NAALADL2: variants seen among roughly 807,000 people sequenced by gnomAD.
The protein encoded by NAALADL2 is inactive N-acetylated-alpha-linked acidic dipeptidase-like protein 2.
Under a neutral mutation model 87.2 loss-of-function variants are expected in NAALADL2, and 76 were observed. That is an observed-to-expected ratio of 0.87 (90% confidence interval 0.72 to 1.05). NAALADL2 has a LOEUF of 1.05. NAALADL2 is among the 50% of genes least tolerant of loss of function. NAALADL2 has a pLI of 0.00. For synonymous variants in NAALADL2, 354 were observed against 331.0 expected (o/e 1.07, Z -0.75); for missense variants, 1,089 against 945.8 (o/e 1.15, Z -1.99).
Position 175,467,146 on chromosome 3 carries a change from A to G in NAALADL2, c.1495A>G (p.Thr499Ala). Residue 499 changes from threonine to alanine, a missense_variant, in exon 8 of 14, where the codon ACA becomes GCA. Physicochemically the swap from Thr to Ala is moderately conservative, Grantham distance 58. Transcript: ENST00000454872. ...RTIVFCSWGG[T>A]AFGNIGSYEW... Reference sequence around the variant, plus strand: ...TATTGTTTTCTGTTCTTGGGGAGGAACAGCTTTTGGCAATATTGGCTCATA... The same window carrying G: ...TATTGTTTTCTGTTCTTGGGGAGGAGCAGCTTTTGGCAATATTGGCTCATA... The G allele has an allele frequency of 6.2e-7, 1 of 1,613,898 alleles. No individual in the cohort carries two copies. Among genetic ancestry groups the G allele is most frequent in the Non-Finnish European group, 8.5e-7 (1 of 1,179,826 alleles).
intron 9 of NAALADL2, among the ~76,000 whole-genome samples, chr3:175,558,278 G>A (rs896754129): frequency 6.6e-6 from 1 of 150,662 alleles, no homozygotes; most frequent in Non-Finnish European, 1.5e-5. Context: ...CAGGTTATTA[G>A]ATTTTTTTTC....
chr3:174,743,187 T>C (rs1733923339), intron 3 of NAALADL2, among the ~76,000 whole-genome samples: 2 of 151,650 alleles, frequency 1.3e-5, no homozygotes, highest in Non-Finnish European at 3.0e-5. Context: ...GGAATTAGAG[T>C]CCCGATCTGT....
chr3:175,497,369 A>C (rs1230145500), intron 9 of NAALADL2, among the ~76,000 whole-genome samples: 1 of 152,244 alleles, frequency 6.6e-6, no homozygotes, highest in Non-Finnish European at 1.5e-5. Context: ...CATCCTTAAG[A>C]AGTTCAGACA....
intron 5 of NAALADL2, among the ~76,000 whole-genome samples, chr3:175,398,036 CA>C (rs913349031): frequency 6.6e-6 from 1 of 151,658 alleles, no homozygotes; most frequent in South Asian, 2.1e-4. Flanking sequence ...CCAAAACAAA[CA>C]AAAAAAACTA....
intron 1 of NAALADL2, among the ~76,000 whole-genome samples, chr3:175,062,915 T>C (rs1006325297): frequency 7.9e-5 from 12 of 152,128 alleles, no homozygotes; most frequent in African/African-American, 2.7e-4. Context: ...CCCCTTCCTA[T>C]TTCACTTATA....
intron 3 of NAALADL2, among the ~76,000 whole-genome samples, chr3:174,830,432 G>T (rs1722538168): frequency 1.3e-5 from 2 of 152,106 alleles, no homozygotes; most frequent in Non-Finnish European, 1.5e-5. Context: ...TAGATATGCG[G>T]TGTTATTTCT....
At chr3:174,747,193 A>C (rs1358401798) in intron 3 of NAALADL2, among the ~76,000 whole-genome samples, 2 of 152,198 alleles carry the variant, frequency 1.3e-5, no homozygotes, top group East Asian at 3.9e-4. Context: ...ACAAAGGCCT[A>C]ATATCCAGAA....
intron 1 of NAALADL2, among the ~76,000 whole-genome samples, chr3:174,859,745 T>A (rs1230300013): frequency 6.6e-6 from 1 of 152,136 alleles, no homozygotes; most frequent in African/African-American, 2.4e-5. Context: ...CAGTATAATG[T>A]TGGAGAAATG....
rs996238857 is a variant in NAALADL2, at chr3:175,772,111, A to C, written c.2189+16693A>C. Among the ~76,000 whole-genome samples the C allele has an allele frequency of 3.3e-5, 5 of 152,300 alleles. 1 individual carries two copies. The highest frequency in any genetic ancestry group is 1.3e-4 in the Admixed American group (2 of 15,296). ...CAACATCTGCAAAGACGCTTTTTGC[A>C]AATAAGGTAGCATTTACAGGTCCTA... is the stretch of plus-strand genomic sequence containing the variant. On this transcript the variant is annotated intron_variant, in intron 13 of 13. Transcript: ENST00000454872.
At chr3:174,934,956 T>C (rs1737463219) in intron 1 of NAALADL2, among the ~76,000 whole-genome samples, 1 of 151,684 alleles carries the variant, frequency 6.6e-6, no homozygotes, top group Non-Finnish European at 1.5e-5. Flanking sequence ...ATCTATGCAT[T>C]TTGTAAAAAT....
At chr3:174,606,961 G>A (rs34924486) in intron 2 of NAALADL2, among the ~76,000 whole-genome samples, 51,329 of 152,040 alleles carry the variant, frequency 0.34, 10,003 homozygotes, top group Middle Eastern at 0.46. Flanking sequence ...GACTAACAGC[G>A]GATCTCTCGG....
At chr3:175,270,729 A>T (rs919660093) in intron 4 of NAALADL2, among the ~76,000 whole-genome samples, 1 of 152,164 alleles carries the variant, frequency 6.6e-6, no homozygotes, top group Middle Eastern at 3.2e-3. Flanking sequence ...AGGTTGACAG[A>T]TATGTGGAAT....
At chr3:174,906,043 C>A (rs763537281) in intron 1 of NAALADL2, among the ~76,000 whole-genome samples, 2 of 152,020 alleles carry the variant, frequency 1.3e-5, no homozygotes, top group Non-Finnish European at 2.9e-5. Context: ...TCAGCATTAA[C>A]CTCATTCACA....
Position 175,549,156 on chromosome 3 carries a change from C to T in NAALADL2, c.1654-26885C>T, listed in dbSNP as rs533752508. Among the ~76,000 whole-genome samples, 5 of 1,504 alleles carry T rather than the reference C, an allele frequency of 3.3e-3. No homozygotes were observed. The East Asian group carries it at 0.1, about 30-fold the overall frequency. The allele number at this position is 1,504 out of a possible 152,430, so 1.0% of individuals were successfully genotyped here. ...TGAGATTATCACTTATTTTCCCTTGCATTGTTTTATTCTTTCATTGTGTAG... is the reference window on the plus strand; with the variant it reads ...TGAGATTATCACTTATTTTCCCTTGTATTGTTTTATTCTTTCATTGTGTAG... On this transcript the variant is annotated intron_variant, in intron 9 of 13. Transcript: ENST00000454872.
intron 1 of NAALADL2, among the ~76,000 whole-genome samples, chr3:174,444,371 A>G (rs774765121): frequency 2.0e-5 from 3 of 152,154 alleles, no homozygotes; most frequent in Non-Finnish European, 4.4e-5. Context: ...AGAAATTTGT[A>G]GGAATCATTA....
chr3:174,604,655 T>A (rs1718806674), intron 2 of NAALADL2, among the ~76,000 whole-genome samples: 1 of 152,084 alleles, frequency 6.6e-6, no homozygotes, highest in Non-Finnish European at 1.5e-5. Flanking sequence ...TGGTGTTCTC[T>A]TCTTTCCTTT....
At chr3:175,731,853 A>G (rs963565445) in intron 11 of NAALADL2, among the ~76,000 whole-genome samples, 8 of 152,040 alleles carry the variant, frequency 5.3e-5, no homozygotes, top group African/African-American at 1.7e-4. Context: ...TTTCTTTTTT[A>G]ATCTTTTGTA....
rs7648864 is a variant in NAALADL2 at position 175,453,181 on chromosome 3, C to T, written c.1234+5809C>T. ...CATATCATTTTTCAAATACCTGTCA[C>T]TTTTTACAAATTATAGAAATTCCAA... On this transcript the variant is annotated intron_variant, in intron 6 of 13. Coordinates refer to ENST00000454872, the MANE Select transcript of NAALADL2 (RefSeq NM_207015.3). Among the ~76,000 whole-genome samples the T allele has an allele frequency of 2.9e-4, 44 of 152,244 alleles. 4 individuals are homozygous for T. The highest frequency in any genetic ancestry group is 1.5e-3 in the Admixed American group (23 of 15,272).
chr3:175,626,092 C>A (rs1314223674), intron 10 of NAALADL2, among the ~76,000 whole-genome samples: 1 of 151,804 alleles, frequency 6.6e-6, no homozygotes. Flanking sequence ...TACACATGAC[C>A]CTGGAATATT....
Sources: gnomAD v4.1 joint callset for allele counts (sites outside exome capture counted in the v4.1 genomes callset) on GRCh38, gnomAD v4.1.1 for gene constraint, MANE v1.5 for transcripts, NCBI Gene and HGNC (gene_info 2026-07-23, HGNC 2026-07-21) for gene names.